The following SYT9 variants were observed in gnomAD, a reference collection of about 807,000 sequenced individuals.
SYT9 encodes synaptotagmin 9.
Under a neutral mutation model 48.4 loss-of-function variants are expected in SYT9, and 22 were observed. That is an observed-to-expected ratio of 0.45 (90% CI 0.32 to 0.65). The LOEUF (loss-of-function observed/expected upper bound fraction) is 0.65, where lower values mean the gene tolerates loss of function less well. Ranked by LOEUF, SYT9 falls within the 30% of genes least tolerant of loss-of-function variation. The pLI, the probability that SYT9 is intolerant of heterozygous loss-of-function variation, is 0.03. For missense variants in SYT9, 577 were observed against 622.0 expected (o/e 0.93, Z 0.77); for synonymous variants, 265 against 245.0 (o/e 1.08, Z -0.76).
chr11:7,396,087 G>T (rs7113923), intron 3 of SYT9, among the ~76,000 whole-genome samples: 1 of 151,844 alleles, frequency 6.6e-6, no homozygotes, highest in African/African-American at 2.4e-5. Flanking sequence ...CCCTTTATTA[G>T]TATTTAGTTT....
chr11:7,334,618 A>T (rs554121306), intron 3 of SYT9, among the ~76,000 whole-genome samples: 183 of 69,690 alleles, frequency 2.6e-3, no homozygotes, highest in African/African-American at 7.4e-3. Flanking sequence ...CCCCTTTGTA[A>T]CCTCTCCTGC....
At chr11:7,411,725 G>A (rs1255063143) in intron 3 of SYT9, among the ~76,000 whole-genome samples, 1 of 152,016 alleles carries the variant, frequency 6.6e-6, no homozygotes, top group African/African-American at 2.4e-5. Context: ...TTTGTGTGGG[G>A]TTCTCTGAGC....
chr11:7,380,029 T>G (rs1233530056), intron 3 of SYT9, among the ~76,000 whole-genome samples: 1 of 152,164 alleles, frequency 6.6e-6, no homozygotes, highest in African/African-American at 2.4e-5. Context: ...AGCTAAGATT[T>G]GGAAACAACC....
intron 6 of SYT9, among the ~76,000 whole-genome samples, chr11:7,428,874 A>G (rs1847514714): frequency 6.6e-6 from 1 of 152,168 alleles, no homozygotes; most frequent in Admixed American, 6.5e-5. Flanking sequence ...CCTGGGATTC[A>G]AAGAGTCTTG....
At chr11:7,308,968 C>T (rs1034819284) in intron 2 of SYT9, among the ~76,000 whole-genome samples, 3 of 152,156 alleles carry the variant, frequency 2.0e-5, no homozygotes, top group Non-Finnish European at 2.9e-5. Context: ...GGATTCTGGC[C>T]TTTCCTGAAC....
chr11:7,344,491 A>ATTT (rs770705817), intron 3 of SYT9, among the ~76,000 whole-genome samples: 4 of 150,938 alleles, frequency 2.7e-5, no homozygotes, highest in African/African-American at 9.7e-5. Flanking sequence ...TTTATACAGT[A>ATTT]TTTTTTTTTA....
At chr11:7,331,513 T>G (rs1365433508) in intron 3 of SYT9, among the ~76,000 whole-genome samples, 1 of 152,050 alleles carries the variant, frequency 6.6e-6, no homozygotes, top group African/African-American at 2.4e-5. Flanking sequence ...AATTTGAGAC[T>G]AGCCTGGGCA....
chr11:7,364,001 T>C (rs2134019761), intron 3 of SYT9, among the ~76,000 whole-genome samples: 1 of 152,322 alleles, frequency 6.6e-6, no homozygotes, highest in African/African-American at 2.4e-5. Context: ...GAGAGGGCCA[T>C]GCTTTCAAGG....
chr11:7,386,221 C>A (rs1850655112), intron 3 of SYT9, among the ~76,000 whole-genome samples: 1 of 152,032 alleles, frequency 6.6e-6, no homozygotes. Flanking sequence ...CAATGCCATT[C>A]AGTACATAGG....
chr11:7,251,934 G>T lies in SYT9; in HGVS notation c.-253G>T. On this transcript the variant is annotated 5_prime_UTR_variant, in exon 1 of 7. Coordinates refer to ENST00000318881, the MANE Select transcript of SYT9 (RefSeq NM_175733.4). The stretch of plus-strand genomic sequence containing the variant: ...GGGCTGTGCGGCACCGCCTCTCCTC[G>T]GTGTCTGGGGAGGGACGGAGGGACC... 2 of 399,542 alleles carry T rather than the reference G, an allele frequency of 5.0e-6. No individual in the cohort carries two copies. 24.7% of individuals were successfully genotyped at this position (399,542 alleles called of 1,614,324 possible).
chr11:7,240,024 T>C (rs1263747714), intron 1 of SYT9, among the ~76,000 whole-genome samples: 2 of 152,186 alleles, frequency 1.3e-5, no homozygotes, highest in Admixed American at 1.3e-4. Context: ...AGTGAAATCC[T>C]TACGGACAAG....
intron 3 of SYT9, among the ~76,000 whole-genome samples, chr11:7,343,886 A>G (rs1849755087): frequency 6.6e-6 from 1 of 152,244 alleles, no homozygotes; most frequent in Admixed American, 6.5e-5. Flanking sequence ...GGTGGCAGGC[A>G]AGACAGAATG....
At chr11:7,398,985 C>T (rs945201930) in intron 3 of SYT9, among the ~76,000 whole-genome samples, 7 of 152,178 alleles carry the variant, frequency 4.6e-5, no homozygotes, top group South Asian at 4.2e-4. Context: ...CATGATGCTC[C>T]ATATAGGGCC....
intron 3 of SYT9, among the ~76,000 whole-genome samples, chr11:7,373,202 T>A (rs1458838310): frequency 6.6e-6 from 1 of 152,000 alleles, no homozygotes; most frequent in African/African-American, 2.4e-5. Context: ...GCATCCTTTG[T>A]TGTTATTGTT....
intron 1 of SYT9, among the ~76,000 whole-genome samples, chr11:7,284,927 C>G (rs946920604): frequency 1.3e-5 from 2 of 152,128 alleles, no homozygotes; most frequent in Admixed American, 1.3e-4. Flanking sequence ...TTTGCTCCCT[C>G]CCCTACTTCT....
rs726733 is a variant in SYT9 at position 7,309,076 on chromosome 11, A to G, written c.498-4319A>G. Among the ~76,000 whole-genome samples, 823 of 152,256 alleles carry G rather than the reference A, an allele frequency of 5.4e-3. 7 individuals are homozygous for G. The highest frequency in any genetic ancestry group is 0.019 in the African/African-American group (789 of 41,558). ...ATCTACTTTGCACATTTTGTTAATT[A>G]TCTTTGAACTCAAGCTTTCCACAGG... On this transcript the variant is annotated intron_variant, in intron 2 of 6. Transcript: ENST00000318881.
Position 7,252,244 on chromosome 11 carries a change from T to A in SYT9, c.58T>A (p.Cys20Ser), listed in dbSNP as rs1188936389. 6.6e-7 allele frequency: 1 copy of A among 1,504,908 alleles called. No individual in the cohort carries two copies. Among genetic ancestry groups the A allele is most frequent in the East Asian group, 2.9e-5 (1 of 34,930 alleles). 93.2% of individuals were successfully genotyped at this position (1,504,908 alleles called of 1,614,324 possible). The change falls in exon 1 of 7, where the codon TGT becomes AGT. Residue 20 changes from cysteine to serine, a missense_variant. Coordinates refer to ENST00000318881, the MANE Select transcript of SYT9 (RefSeq NM_175733.4). The surrounding 1 kb of genome is among the most constrained non-coding windows in gnomAD (Gnocchi z 6.3). The stretch of plus-strand genomic sequence containing the variant: ...GGCGCTGCAGCTGCTGGCCGAGCTC[T>A]GTGCCCGTGGGGCCCTGGAGCACGA... ...HQALQLLAEL[C>S]ARGALEHDSC...
chr11:7,468,705 A>G lies in SYT9; in HGVS notation c.*1905A>G. 1 of 162,298 alleles carries G rather than the reference A, an allele frequency of 6.2e-6. No individual in the cohort carries two copies. Among genetic ancestry groups the G allele is most frequent in the Non-Finnish European group, 1.3e-5 (1 of 74,978 alleles). The allele number at this position is 162,298 out of a possible 1,614,324, so 10.1% of individuals were successfully genotyped here. On this transcript the variant is annotated 3_prime_UTR_variant, in exon 7 of 7. Coordinates refer to ENST00000318881, the MANE Select transcript of SYT9 (RefSeq NM_175733.4). Reference sequence around the variant, plus strand: ...AATTCTGACATGTCCTTGGCAATGGAAGCCTGGGTTGGAGATCCTGAGGCA... The same window carrying G: ...AATTCTGACATGTCCTTGGCAATGGGAGCCTGGGTTGGAGATCCTGAGGCA...
chr11:7,303,162 G>T lies in SYT9; in HGVS notation c.269G>T (p.Gly90Val). The change falls in exon 2 of 7, where the codon GGT becomes GTT. Residue 90 changes from glycine (G) to valine (V), a missense_variant. Coordinates refer to ENST00000318881, the MANE Select transcript of SYT9 (RefSeq NM_175733.4). ...VPWRERGLPS[G>V]SKDNNQEPLN... ...TGGCGAGAACGAGGCCTGCCCTCTG[G>T]TAGCAAAGACAACAACCAGGAGCCC... 2 of 1,614,152 alleles carry T rather than the reference G, an allele frequency of 1.2e-6. No homozygotes were observed. Among genetic ancestry groups the T allele is most frequent in the Non-Finnish European group, 1.7e-6 (2 of 1,180,022 alleles).
Sources: gnomAD v4.1 joint callset for allele counts (sites outside exome capture counted in the v4.1 genomes callset) on GRCh38, gnomAD v4.1.1 for gene constraint, Gnocchi (gnomAD v3.1) non-coding constraint, MANE v1.5 for transcripts, NCBI Gene and HGNC (gene_info 2026-07-23, HGNC 2026-07-21) for gene names.